Variants in SMYD1 observed in about 807,000 individuals in gnomAD.
SMYD1 encodes histone-lysine N-methyltransferase SMYD1.
A neutral mutation model predicts 54.0 loss-of-function variants in SMYD1; 49 were observed. The ratio of observed to expected loss-of-function variants is 0.91; its 90% CI spans 0.72 to 1.15. The LOEUF (loss-of-function observed/expected upper bound fraction) is 1.15. Ranked by LOEUF, SMYD1 falls within the 50% of genes most tolerant of loss-of-function variation. The pLI is 0.00. For missense variants in SMYD1, 653 were observed against 639.6 expected (o/e 1.02, Z -0.23); for synonymous variants, 269 against 234.2 (o/e 1.15, Z -1.36).
intron 1 of SMYD1, among the ~76,000 whole-genome samples, chr2:88,070,942 C>CAAAA (rs61024525): frequency 0.019 from 1,123 of 60,084 alleles, 107 homozygotes; most frequent in Non-Finnish European, 0.022. Context: ...GACTATTTCT[C>CAAAA]AAAAAAAAAA....
chr2:88,089,591 T>C (rs1573111238), intron 3 of SMYD1, among the ~76,000 whole-genome samples: 1 of 142,978 alleles, frequency 7.0e-6, no homozygotes, highest in African/African-American at 2.7e-5. Context: ...ACCTGTTTTT[T>C]TTTTTTTTTT....
chr2:88,078,852 A>G (rs1049306274), intron 1 of SMYD1, among the ~76,000 whole-genome samples: 1 of 152,256 alleles, frequency 6.6e-6, no homozygotes, highest in African/African-American at 2.4e-5. Context: ...GCATAGAGAG[A>G]AGCTCAGCTT....
intron 7 of SMYD1, among the ~76,000 whole-genome samples, 194 bp downstream of exon 7, chr2:88,103,344 G>A (rs909301653): frequency 3.3e-5 from 5 of 152,104 alleles, no homozygotes; most frequent in South Asian, 2.1e-4. Context: ...TTAGGGGTGC[G>A]TTCTCAGTGA....
chr2:88,101,498 A>T (rs1185769579), intron 6 of SMYD1, among the ~76,000 whole-genome samples: 2 of 152,248 alleles, frequency 1.3e-5, no homozygotes, highest in African/African-American at 4.8e-5. Flanking sequence ...ATAGGCACAT[A>T]CACACACATA....
At chr2:88,088,721 G>A (rs1046496948) in intron 3 of SMYD1, among the ~76,000 whole-genome samples, 8 of 152,116 alleles carry the variant, frequency 5.3e-5, no homozygotes, top group Non-Finnish European at 1.2e-4. Flanking sequence ...CTGCCCACCA[G>A]TCACTTTGGA....
At chr2:88,071,205 A>T (rs533160704) in intron 1 of SMYD1, among the ~76,000 whole-genome samples, 1 of 152,160 alleles carries the variant, frequency 6.6e-6, no homozygotes, top group Non-Finnish European at 1.5e-5. Flanking sequence ...GTTGCTATGA[A>T]CATTTTTGCT....
At chr2:88,100,204 T>G (rs1443138090) in intron 6 of SMYD1, among the ~76,000 whole-genome samples, 1 of 152,184 alleles carries the variant, frequency 6.6e-6, no homozygotes, top group African/African-American at 2.4e-5. Flanking sequence ...AACAGCCCCG[T>G]TTCCTTTCTC....
chr2:88,082,182 C>T (rs1024918972), intron 1 of SMYD1, among the ~76,000 whole-genome samples: 2 of 152,100 alleles, frequency 1.3e-5, no homozygotes, highest in Non-Finnish European at 2.9e-5. Flanking sequence ...GCATATCCTG[C>T]GCAGTTCTAA....
intron 8 of SMYD1, 135 bp from the exon 9 acceptor site, chr2:88,108,236 C>G: frequency 1.3e-6 from 1 of 774,310 alleles, no homozygotes; most frequent in Non-Finnish European, 1.8e-6. Context: ...TCCCCCTTGG[C>G]GGCTACAGAA....
intron 1 of SMYD1, chr2:88,083,091 C>G (rs1295549582): frequency 6.6e-6 from 1 of 152,170 alleles, no homozygotes; most frequent in Non-Finnish European, 1.5e-5. Context: ...CTCCTGTGTT[C>G]TTATACTTTG....
At chr2:88,070,166 A>T (rs140735631) in intron 1 of SMYD1, among the ~76,000 whole-genome samples, 20 of 152,276 alleles carry the variant, frequency 1.3e-4, no homozygotes, top group African/African-American at 4.6e-4. Flanking sequence ...CACTGCATAG[A>T]TGAGGGAGCT....
chr2:88,072,213 A>T (rs1374514662), intron 1 of SMYD1, among the ~76,000 whole-genome samples: 4 of 145,908 alleles, frequency 2.7e-5, no homozygotes, highest in Non-Finnish European at 4.6e-5. Flanking sequence ...TGTAGTGGTG[A>T]GATCTCGGCT....
In SMYD1 at chr2:88,087,987, T is replaced by G. The variant is rs1294798140; in HGVS notation, c.440T>G (p.Leu147Arg). 1 of 1,614,058 alleles carries G rather than the reference T, an allele frequency of 6.2e-7. No homozygotes were observed. The highest frequency in any genetic ancestry group is 8.5e-7 in the Non-Finnish European group (1 of 1,180,030). ...EHFGEEEQKD[L>R]RVDVDTFLQY... is the part of the protein sequence containing the mutation. ...TTTGGGGAGGAGGAGCAGAAGGACC[T>G]GCGGGTGGACGTGGACACATTCTTG... Residue 147 changes from leucine to arginine, a missense_variant, in exon 3 of 10, where the codon CTG becomes CGG. Transcript: ENST00000419482.
At chr2:88,069,084 C>T (rs981429043) in intron 1 of SMYD1, among the ~76,000 whole-genome samples, 7 of 152,130 alleles carry the variant, frequency 4.6e-5, no homozygotes, top group Non-Finnish European at 1.0e-4. Flanking sequence ...ACTAGACTAC[C>T]AAGCTTTTAA....
intron 5 of SMYD1, 133 bp from the exon 6 acceptor site, chr2:88,096,462 G>A: frequency 1.3e-6 from 1 of 761,442 alleles, no homozygotes; most frequent in Non-Finnish European, 2.2e-6. Flanking sequence ...TCCTTTTGTG[G>A]GGTCAATGGG....
At chr2:88,071,054 ATAT>A (rs900687590) in intron 1 of SMYD1, among the ~76,000 whole-genome samples, 1 of 152,028 alleles carries the variant, frequency 6.6e-6, no homozygotes, top group African/African-American at 2.4e-5. Flanking sequence ...CAAAGGTACA[ATAT>A]TATATGTGGT....
In SMYD1 at chr2:88,096,692, C is replaced by A; in HGVS notation, c.796C>A (p.Leu266Met). 1 of 1,614,192 alleles carries A rather than the reference C, an allele frequency of 6.2e-7. No individual in the cohort carries two copies. The highest frequency in any genetic ancestry group is 8.5e-7 in the Non-Finnish European group (1 of 1,180,036). The stretch of plus-strand genomic sequence containing the variant: ...CGTTAGTGAAGAACGCAAGAGGCAG[C>A]TGAAGAAGCAGTACTACTTTGACTG... The part of the protein sequence containing the change: ...LNVSEERKRQ[L>M]KKQYYFDCTC... Residue 266 changes from leucine to methionine, a missense_variant, in exon 6 of 10, where the codon CTG becomes ATG. Transcript: ENST00000419482.
At chr2:88,076,953 A>C (rs1394945501) in intron 1 of SMYD1, among the ~76,000 whole-genome samples, 1 of 152,014 alleles carries the variant, frequency 6.6e-6, no homozygotes, top group Admixed American at 6.5e-5. Flanking sequence ...TTGAGGCTGC[A>C]ATAAGCAGTG....
Position 88,110,602 on chromosome 2 carries a change from A to G in SMYD1, c.*90A>G. Reference sequence around the variant, plus strand: ...GTCTCTCGGGAGACCCCTAATGAGGAAGTTGAGGTAATGCTTAACATTGTT... The same window carrying G: ...GTCTCTCGGGAGACCCCTAATGAGGGAGTTGAGGTAATGCTTAACATTGTT... On this transcript the variant is annotated 3_prime_UTR_variant, in exon 10 of 10. Transcript: ENST00000419482. 1 of 1,380,202 alleles carries G rather than the reference A, an allele frequency of 7.2e-7. No individual in the cohort carries two copies. The highest frequency in any genetic ancestry group is 1.5e-5 in the African/African-American group (1 of 68,038). 85.5% of individuals were successfully genotyped at this position (1,380,202 alleles called of 1,614,324 possible).
Sources: gnomAD v4.1 joint callset for allele counts (sites outside exome capture counted in the v4.1 genomes callset) on GRCh38, gnomAD v4.1.1 for gene constraint, MANE v1.5 for transcripts, NCBI Gene and HGNC (gene_info 2026-07-23, HGNC 2026-07-21) for gene names.